The following DLGAP3 variants were observed in gnomAD, a reference collection of about 807,000 sequenced individuals.
The protein encoded by DLGAP3 is disks large-associated protein 3.
A neutral mutation model predicts 81.2 loss-of-function variants in DLGAP3; 17 were observed. The observed-to-expected ratio is 0.21, with a 90% CI of 0.14 to 0.31. The LOEUF (loss-of-function observed/expected upper bound fraction) is 0.31. DLGAP3 is among the 10% of genes least tolerant of loss of function. The pLI, the probability that DLGAP3 is intolerant of heterozygous loss-of-function variation, is 1.00. For missense variants in DLGAP3, 1,124 were observed against 1,388.0 expected (o/e 0.81, Z 3.02); for synonymous variants, 577 against 587.4 (o/e 0.98, Z 0.26).
At chr1:34,893,579 GT>G (rs1418471418) in intron 5 of DLGAP3, among the ~76,000 whole-genome samples, 1 of 152,134 alleles carries the variant, frequency 6.6e-6, no homozygotes, top group Non-Finnish European at 1.5e-5. Context: ...TAATACCAAT[GT>G]TGGTTTATAA....
rs552422846 is a variant in DLGAP3, at chr1:34,887,433, A to G, written c.1387-1148T>C. Among the ~76,000 whole-genome samples, 273 of 152,310 alleles carry G rather than the reference A, an allele frequency of 1.8e-3. 2 individuals carry two copies. The highest frequency in any genetic ancestry group is 6.1e-3 in the African/African-American group (252 of 41,560). On this transcript the variant is annotated intron_variant, in intron 5 of 11. Coordinates refer to ENST00000373347, the MANE Select transcript of DLGAP3 (RefSeq NM_001080418.3). ...AAAAAAAAAAAAAGTTAAAGTATGA[A>G]AAAAAGCAAAACAAAAATTTTGTTG...
In DLGAP3 at chr1:34,884,970, G is replaced by C. The variant is rs751581382; in HGVS notation, c.2000+8C>G. On this transcript the variant is annotated splice_region_variant and intron_variant, in intron 8 of 11. Coordinates refer to ENST00000373347, the MANE Select transcript of DLGAP3 (RefSeq NM_001080418.3). Reference sequence around the variant, plus strand: ...AGCGAAGCCTGGGCACTCCCACCGTGACTTTACCTCTTGTCCTCTTCCACC... The same window carrying C: ...AGCGAAGCCTGGGCACTCCCACCGTCACTTTACCTCTTGTCCTCTTCCACC... 4 of 1,608,460 alleles carry C rather than the reference G, an allele frequency of 2.5e-6. No individual in the cohort carries two copies. The highest frequency in any genetic ancestry group is 3.4e-6 in the Non-Finnish European group (4 of 1,176,620).
At chr1:34,896,811 C>T (rs1301630724) in intron 5 of DLGAP3, among the ~76,000 whole-genome samples, 2 of 152,004 alleles carry the variant, frequency 1.3e-5, no homozygotes, top group East Asian at 3.9e-4. Flanking sequence ...CAAAAGGAGG[C>T]AGCAAAGGAG....
At position 34,919,459 on chromosome 1, in the gene DLGAP3, A is replaced by G. The variant is rs114775422; in HGVS notation, c.-135+9992T>C. Among the ~76,000 whole-genome samples the G allele has an allele frequency of 1.4e-3, 211 of 152,224 alleles. 2 individuals are homozygous for G. The highest frequency in any genetic ancestry group is 0.01 in the Middle Eastern group (3 of 294). On this transcript the variant is annotated intron_variant, in intron 1 of 11. Transcript: ENST00000373347. ...GTTGCTCATTTTGCAACACAAGCTCAATTCTCCATGCTCTCTTGGGAGAAA... is the reference window on the plus strand; with the variant it reads ...GTTGCTCATTTTGCAACACAAGCTCGATTCTCCATGCTCTCTTGGGAGAAA...
chr1:34,921,153 TA>T (rs571097573), intron 1 of DLGAP3, among the ~76,000 whole-genome samples: 198 of 152,118 alleles, frequency 1.3e-3, no homozygotes, highest in African/African-American at 4.4e-3. Context: ...CAGGAGGTAA[TA>T]GGGGGCTTTG....
chr1:34,920,955 T>C (rs2148420543), intron 1 of DLGAP3, among the ~76,000 whole-genome samples: 1 of 152,286 alleles, frequency 6.6e-6, no homozygotes, highest in East Asian at 1.9e-4. Context: ...CAATGGGCTA[T>C]TCAAGATAGA....
chr1:34,868,103 G>A lies in DLGAP3; in HGVS notation c.2486-476C>T, dbSNP rs565230943. ...CCTCAACTCAGAGATTCTGGGGTAAGACTGTGTCTCCCAGTGGATCTGACT... is the reference window on the plus strand; with the variant it reads ...CCTCAACTCAGAGATTCTGGGGTAAAACTGTGTCTCCCAGTGGATCTGACT... On this transcript the variant is annotated intron_variant, in intron 9 of 11. Transcript: ENST00000373347. The surrounding 1 kb of genome is among the most constrained non-coding windows in gnomAD (Gnocchi z 7.5). Among the ~76,000 whole-genome samples, 3 of 152,302 alleles carry A rather than the reference G, an allele frequency of 2.0e-5. No homozygotes were observed. In the South Asian group the frequency reaches 6.2e-4, roughly 32 times the overall value.
chr1:34,913,354 A>G (rs1639667837), intron 1 of DLGAP3, among the ~76,000 whole-genome samples: 1 of 152,092 alleles, frequency 6.6e-6, no homozygotes, highest in South Asian at 2.1e-4. Context: ...CACACTACCT[A>G]TAATCTCTTT....
chr1:34,870,522 C>T (rs1638964598), intron 8 of DLGAP3, among the ~76,000 whole-genome samples: 1 of 152,196 alleles, frequency 6.6e-6, no homozygotes, highest in Non-Finnish European at 1.5e-5. Context: ...TGCCTGCCTA[C>T]TTCTCTCCAG....
At chr1:34,884,953 C>T in intron 8 of DLGAP3, 25 bp downstream of exon 8, 1 of 1,582,810 alleles carries the variant, frequency 6.3e-7, no homozygotes, top group Non-Finnish European at 8.7e-7. Context: ...CCAGCGAAGC[C>T]TGGGCACTCC....
intron 8 of DLGAP3, among the ~76,000 whole-genome samples, chr1:34,879,535 CT>C (rs1639114009): frequency 6.6e-6 from 1 of 152,094 alleles, no homozygotes; most frequent in Admixed American, 6.6e-5. Flanking sequence ...TTGGGGACCC[CT>C]GATACATGAT....
At position 34,904,243 on chromosome 1, in the gene DLGAP3, A is replaced by G; in HGVS notation, c.1107+34T>C. 1 of 1,599,688 alleles carries G rather than the reference A, an allele frequency of 6.3e-7. No homozygotes were observed. The highest frequency in any genetic ancestry group is 1.1e-5 in the South Asian group (1 of 91,044). On this transcript the variant is annotated intron_variant, in intron 3 of 11. Transcript: ENST00000373347. The surrounding 1 kb of genome is among the most constrained non-coding windows in gnomAD (Gnocchi z 8.1). ...TAGTTGACAAGACTGGTGAAGGCTA[A>G]GGACTCTGTTCCCCAACCCCAAAAA...
chr1:34,893,190 A>C (rs1267742021), intron 5 of DLGAP3, among the ~76,000 whole-genome samples: 1 of 151,886 alleles, frequency 6.6e-6, no homozygotes, highest in Non-Finnish European at 1.5e-5. Context: ...AAAAAAAAAA[A>C]AAAAAAAAAC....
At chr1:34,872,781 G>C (rs755344640) in intron 8 of DLGAP3, among the ~76,000 whole-genome samples, 2 of 152,216 alleles carry the variant, frequency 1.3e-5, no homozygotes, top group Non-Finnish European at 1.5e-5. Context: ...GAAGCAAGCT[G>C]CAAGTGAAGG....
chr1:34,896,837 C>T (rs1639386890), intron 5 of DLGAP3, among the ~76,000 whole-genome samples: 1 of 151,990 alleles, frequency 6.6e-6, no homozygotes, highest in Non-Finnish European at 1.5e-5. Flanking sequence ...AAGCACCAGT[C>T]CAAAGGCAAG....
intron 1 of DLGAP3, among the ~76,000 whole-genome samples, chr1:34,911,101 C>T (rs538056719): frequency 1.3e-3 from 195 of 148,996 alleles, no homozygotes; most frequent in Non-Finnish European, 2.4e-3. Context: ...CAAGGTCACA[C>T]CGAGAGCTGT....
chr1:34,926,191 A>AG (rs1477427862), intron 1 of DLGAP3, among the ~76,000 whole-genome samples: 5 of 152,200 alleles, frequency 3.3e-5, no homozygotes, highest in African/African-American at 1.2e-4. Context: ...CTACAGCCCC[A>AG]GGGACAAGGC....
Position 34,873,963 on chromosome 1 carries a change from G to C in DLGAP3, c.2001-4874C>G, listed in dbSNP as rs1251851867. The stretch of plus-strand genomic sequence containing the variant: ...TGGACACATGGCTACTTTGAATAAA[G>C]ATTCTTTCCCAATCTCCCTACCAAC... On this transcript the variant is annotated intron_variant, in intron 8 of 11. Transcript: ENST00000373347. This position sits in a 1 kb window ranked among gnomAD's most constrained non-coding sequence, Gnocchi z 4.2. 1.3e-5 allele frequency among the ~76,000 whole-genome samples: 2 copies of C among 152,172 alleles called. No individual in the cohort carries two copies. The highest frequency in any genetic ancestry group is 4.8e-5 in the African/African-American group (2 of 41,428).
chr1:34,919,603 AT>A (rs1477738901), intron 1 of DLGAP3, among the ~76,000 whole-genome samples: 1 of 152,074 alleles, frequency 6.6e-6, no homozygotes, highest in Non-Finnish European at 1.5e-5. Context: ...ACATGGTGAA[AT>A]CCCCATATCT....
Sources: gnomAD v4.1 joint callset for allele counts (sites outside exome capture counted in the v4.1 genomes callset) on GRCh38, gnomAD v4.1.1 for gene constraint, Gnocchi (gnomAD v3.1) non-coding constraint, MANE v1.5 for transcripts, NCBI Gene and HGNC (gene_info 2026-07-23, HGNC 2026-07-21) for gene names.